AP2B1: variants seen among roughly 807,000 people sequenced by gnomAD.
The protein encoded by AP2B1 is AP-2 complex subunit beta.
AP2B1 carries 23 observed loss-of-function variants against 102.0 expected under a neutral mutation model. The ratio of observed to expected loss-of-function variants is 0.23; its 90% CI spans 0.16 to 0.32. AP2B1 has a LOEUF of 0.32. Ranked by LOEUF, AP2B1 falls within the 10% of genes least tolerant of loss-of-function variation. AP2B1 has a pLI of 1.00. For synonymous variants in AP2B1, 381 were observed against 421.2 expected, an observed-to-expected ratio of 0.90 and a Z score of 1.17; for missense variants, 541 against 1,157.4, an observed-to-expected ratio of 0.47 and a Z score of 7.73.
At chr17:35,597,050 C>G in intron 2 of AP2B1, 1 of 579,950 alleles carries the variant, frequency 1.7e-6, no homozygotes, top group Non-Finnish European at 3.2e-6. Flanking sequence ...TTGTGGGGGC[C>G]GTGGCCGGGG....
Position 35,637,449 on chromosome 17 carries a change from G to A in AP2B1, c.1271+993G>A, listed in dbSNP as rs532124954. On this transcript the variant is annotated intron_variant, in intron 10 of 21. Coordinates refer to ENST00000610402, the MANE Select transcript of AP2B1 (RefSeq NM_001030006.2). ...TCCACCTCAGCCTCCCAAAGTGCTG[G>A]GATTACAGGCATGAGCCACGATGCC... Among the ~76,000 whole-genome samples, 3 of 152,092 alleles carry A rather than the reference G, an allele frequency of 2.0e-5. No individual in the cohort carries two copies. The East Asian group carries it at 5.8e-4, about 29-fold the overall frequency.
intron 11 of AP2B1, 65 bp downstream of exon 11, chr17:35,639,825 C>A: frequency 6.8e-7 from 1 of 1,473,320 alleles, no homozygotes; most frequent in Non-Finnish European, 9.3e-7. Flanking sequence ...TCAGAGAAAG[C>A]AAAGGTTATA....
intron 9 of AP2B1, among the ~76,000 whole-genome samples, chr17:35,634,283 G>C (rs2074544404): frequency 6.6e-6 from 1 of 152,210 alleles, no homozygotes; most frequent in African/African-American, 2.4e-5. Context: ...GTATCTTAGT[G>C]ATGCAGTTTT....
chr17:35,659,008 T>C (rs1207076596), intron 14 of AP2B1, among the ~76,000 whole-genome samples: 1 of 152,228 alleles, frequency 6.6e-6, no homozygotes, highest in Admixed American at 6.5e-5. Context: ...TTCTGTTGTC[T>C]TTCTTGGGAA....
At chr17:35,717,628 C>T (rs1430919525) in intron 21 of AP2B1, among the ~76,000 whole-genome samples, 4 of 152,170 alleles carry the variant, frequency 2.6e-5, no homozygotes, top group Non-Finnish European at 5.9e-5. Context: ...CAGCTTCATC[C>T]TCAATATCAG....
intron 3 of AP2B1, among the ~76,000 whole-genome samples, chr17:35,605,305 A>G (rs1011968999): frequency 6.0e-5 from 9 of 149,280 alleles, no homozygotes; most frequent in African/African-American, 2.0e-4. Flanking sequence ...CTGGAGTGCA[A>G]TGGTGTGATC....
intron 5 of AP2B1, among the ~76,000 whole-genome samples, chr17:35,614,547 C>A (rs2142464824): frequency 6.7e-6 from 1 of 149,322 alleles, no homozygotes; most frequent in African/African-American, 2.5e-5. Context: ...CTGCGTAGCC[C>A]CTTTGATCTT....
chr17:35,717,565 C>T (rs587752219), intron 21 of AP2B1, among the ~76,000 whole-genome samples: 1 of 152,300 alleles, frequency 6.6e-6, no homozygotes, highest in South Asian at 2.1e-4. Context: ...CTGGCAAGTG[C>T]CTCAAATCCA....
chr17:35,611,485 G>A (rs571411982), intron 5 of AP2B1, among the ~76,000 whole-genome samples: 17 of 152,172 alleles, frequency 1.1e-4, no homozygotes, highest in African/African-American at 2.4e-4. Context: ...GTGTGTGCGC[G>A]CGCGCACGTG....
intron 18 of AP2B1, among the ~76,000 whole-genome samples, chr17:35,687,858 T>C (rs754013240): frequency 1.3e-5 from 2 of 152,212 alleles, no homozygotes; most frequent in Non-Finnish European, 2.9e-5. Context: ...GCCCAGTGTT[T>C]ACATTATTAT....
intron 14 of AP2B1, among the ~76,000 whole-genome samples, chr17:35,660,351 G>A (rs914463148): frequency 1.3e-5 from 2 of 152,114 alleles, no homozygotes; most frequent in African/African-American, 4.8e-5. Context: ...TGACACTGAA[G>A]CTGCTGGTCC....
chr17:35,662,880 T>C (rs577152455), intron 14 of AP2B1, among the ~76,000 whole-genome samples: 3 of 152,304 alleles, frequency 2.0e-5, no homozygotes, highest in African/African-American at 7.2e-5. Context: ...GGAAGAATTA[T>C]CCAAAGTGCC....
intron 17 of AP2B1, among the ~76,000 whole-genome samples, chr17:35,681,869 T>C (rs1336035844): frequency 6.6e-6 from 1 of 152,208 alleles, no homozygotes; most frequent in Non-Finnish European, 1.5e-5. Flanking sequence ...ATTTTCTCCT[T>C]CCTCAAATTC....
In AP2B1 at chr17:35,657,653, G is replaced by A; in HGVS notation, c.1851G>A (p.Gln617=). 1 of 1,614,168 alleles carries A rather than the reference G, an allele frequency of 6.2e-7. No individual in the cohort carries two copies. Among genetic ancestry groups the A allele is most frequent in the Non-Finnish European group, 8.5e-7 (1 of 1,180,000 alleles). Residue 617 remains glutamine (Q), a synonymous_variant, in exon 14 of 22, where the codon CAG becomes CAA. Transcript: ENST00000610402. ...VGTTTATNLE[Q]PQVIPSQGDL... The stretch of plus-strand genomic sequence containing the variant: ...CTACCACTGCAACGAACCTGGAACA[G>A]CCTCAGGTTATCCCCTCTCAAGGTG...
chr17:35,622,609 A>G (rs766983009), intron 5 of AP2B1, among the ~76,000 whole-genome samples: 3 of 152,182 alleles, frequency 2.0e-5, no homozygotes, highest in Non-Finnish European at 1.5e-5. Flanking sequence ...AATATTTCCA[A>G]TATATATAAT....
At chr17:35,596,775 G>A in intron 2 of AP2B1, 1 of 577,774 alleles carries the variant, frequency 1.7e-6, no homozygotes, top group South Asian at 1.7e-5. Flanking sequence ...GCCCGCAGCT[G>A]CGCCCCCTAG....
chr17:35,608,610 C>G (rs1166319830), intron 5 of AP2B1, among the ~76,000 whole-genome samples: 2 of 152,122 alleles, frequency 1.3e-5, no homozygotes, highest in Admixed American at 6.6e-5. Context: ...TTGTATTGTA[C>G]TTATGCTCAT....
rs963656948 is a variant in AP2B1, at chr17:35,717,065, T to C, written c.2627-130T>C. The C allele has an allele frequency of 2.8e-5, 27 of 977,532 alleles. 1 individual carries two copies. The highest frequency in any genetic ancestry group is 4.7e-5 in the Admixed American group (2 of 42,652). 60.6% of individuals were successfully genotyped at this position (977,532 alleles called of 1,614,324 possible). ...TTGTGTGGGAGAATGGCTTCTGAAG[T>C]GTACACATGTCCATGTGACAGTACT... On this transcript the variant is annotated intron_variant, in intron 20 of 21. Coordinates refer to ENST00000610402, the MANE Select transcript of AP2B1 (RefSeq NM_001030006.2).
chr17:35,670,790 A>T, intron 14 of AP2B1, 67 bp from the exon 15 acceptor site: 1 of 1,490,436 alleles, frequency 6.7e-7, no homozygotes. Context: ...CAGATTCTAT[A>T]TGGGCATCTA....
Sources: allele counts gnomAD v4.1 joint callset (sites outside exome capture counted in the v4.1 genomes callset), GRCh38; gene constraint gnomAD v4.1.1; transcripts MANE v1.5; gene names NCBI Gene and HGNC (gene_info 2026-07-23, HGNC 2026-07-21).